The following SMCO4 variants were observed in gnomAD, a reference collection of about 807,000 sequenced individuals.
SMCO4 encodes the protein single-pass membrane protein with coiled-coil domains 4.
In SMCO4, 4 loss-of-function variants were observed where a neutral mutation model predicts 3.6. The ratio of observed to expected loss-of-function variants is 1.11; its 90% CI spans 0.54 to 2.53. SMCO4 has a LOEUF of 2.53. Among genes scored for constraint, SMCO4 ranks in the 30% most tolerant of loss-of-function variants. The pLI, the probability that SMCO4 is intolerant of heterozygous loss-of-function variation, is 0.02. For missense variants in SMCO4, 70 were observed against 80.8 expected (o/e 0.87, Z 0.51); for synonymous variants, 36 against 35.3 (o/e 1.02, Z -0.07).
At chr11:93,482,307 G>T (rs894123050) in intron 2 of SMCO4, among the ~76,000 whole-genome samples, 3 of 152,208 alleles carry the variant, frequency 2.0e-5, no homozygotes, top group African/African-American at 7.2e-5. Context: ...CCTGAGCCAG[G>T]GAGGGCATGG....
chr11:93,538,779 C>T (rs1299188334), intron 1 of SMCO4, among the ~76,000 whole-genome samples: 1 of 152,198 alleles, frequency 6.6e-6, no homozygotes, highest in Non-Finnish European at 1.5e-5. Context: ...CCCCTCTTCT[C>T]CGCAACCACT....
chr11:93,549,145 A>G, the SMCO4 span, among the ~76,000 whole-genome samples: 2 of 152,140 alleles, frequency 1.3e-5, no homozygotes, highest in Admixed American at 6.5e-5. Context: ...ACTCACATGC[A>G]TGTGTGTGTA....
At chr11:93,532,271 TGACTG>T (rs2134632623) in intron 1 of SMCO4, among the ~76,000 whole-genome samples, 1 of 152,342 alleles carries the variant, frequency 6.6e-6, no homozygotes, top group Admixed American at 6.5e-5. Context: ...GATGTCAACT[TGACTG>T]AACTAAAAGA....
chr11:93,525,116 T>C (rs1410980772), intron 1 of SMCO4, among the ~76,000 whole-genome samples: 1 of 152,130 alleles, frequency 6.6e-6, no homozygotes, highest in Non-Finnish European at 1.5e-5. Flanking sequence ...CTCCCAGGGC[T>C]CCTGCTGCCA....
intron 1 of SMCO4, chr11:93,537,760 G>A (rs569831505): frequency 1.3e-5 from 2 of 151,890 alleles, no homozygotes; most frequent in African/African-American, 4.8e-5. Flanking sequence ...AGTGCCCTCA[G>A]AACAAGAAGA....
chr11:93,489,333 A>G (rs541309324), intron 2 of SMCO4, among the ~76,000 whole-genome samples: 2 of 152,348 alleles, frequency 1.3e-5, no homozygotes, highest in East Asian at 1.9e-4. Context: ...ATCATAAGGA[A>G]TAATGACAAA....
Position 93,543,309 on chromosome 11 carries a change from A to C in SMCO4, c.-187T>G. 1 of 146,392 alleles carries C rather than the reference A, an allele frequency of 6.8e-6. No individual in the cohort carries two copies. Among genetic ancestry groups the C allele is most frequent in the East Asian group, 2.1e-4 (1 of 4,866 alleles). 9.1% of individuals were successfully genotyped at this position (146,392 alleles called of 1,614,324 possible). ...GGGCGCCGCCGCCGCCGCCGCCACC[A>C]CTGCCGGGAATACGTGGCAGTGGCC... On this transcript the variant is annotated 5_prime_UTR_variant, in exon 1 of 3. Coordinates refer to ENST00000298966, the MANE Select transcript of SMCO4 (RefSeq NM_020179.3).
the SMCO4 span, among the ~76,000 whole-genome samples, chr11:93,550,767 C>T: frequency 6.6e-6 from 1 of 152,092 alleles, no homozygotes; most frequent in African/African-American, 2.4e-5. Context: ...TAGAAGGGAG[C>T]AGGGGAGCTC....
chr11:93,552,760 C>T, the SMCO4 span, among the ~76,000 whole-genome samples: 20,487 of 152,180 alleles, frequency 0.13, 1,854 homozygotes, highest in African/African-American at 0.25. Context: ...GCGTGAGCCA[C>T]CGCACCTGGC....
Position 93,534,375 on chromosome 11 carries a change from T to TATAG in SMCO4, c.-154+8900_-154+8901insCTAT, listed in dbSNP as rs369643237. Reference sequence around the variant, plus strand: ...ACACATACATATATATATATATATATAGAGAGAGAGAGAGAGAGAGATACA... The same window carrying TATAG: ...ACACATACATATATATATATATATATATAGAGAGAGAGAGAGAGAGAGAGATACA... On this transcript the variant is annotated intron_variant, in intron 1 of 2. Transcript: ENST00000298966. Among the ~76,000 whole-genome samples the TATAG allele has an allele frequency of 5.6e-3, 789 of 142,120 alleles. 12 individuals carry two copies. Among genetic ancestry groups the TATAG allele is most frequent in the African/African-American group, 0.013 (487 of 37,992 alleles). The allele number at this position is 142,120 out of a possible 152,430, so 93.2% of individuals were successfully genotyped here.
intron 1 of SMCO4, among the ~76,000 whole-genome samples, chr11:93,533,017 A>G (rs1160352292): frequency 6.6e-6 from 1 of 152,218 alleles, no homozygotes; most frequent in African/African-American, 2.4e-5. Context: ...GGATAAGCTT[A>G]AAGGCAGGCA....
At chr11:93,534,763 T>A (rs1949203391) in intron 1 of SMCO4, among the ~76,000 whole-genome samples, 2 of 152,158 alleles carry the variant, frequency 1.3e-5, no homozygotes, top group Non-Finnish European at 2.9e-5. Context: ...GCCCACTGTG[T>A]CCACTGGACA....
At chr11:93,547,288 C>G (rs1949321805), upstream of SMCO4, among the ~76,000 whole-genome samples, 2 of 152,152 alleles carry the variant, frequency 1.3e-5, no homozygotes, top group Admixed American at 6.5e-5. Flanking sequence ...CTACCCTCAG[C>G]CAGAGAAGAA....
At chr11:93,482,309 A>T (rs1486860276) in intron 2 of SMCO4, among the ~76,000 whole-genome samples, 1 of 152,208 alleles carries the variant, frequency 6.6e-6, no homozygotes, top group Non-Finnish European at 1.5e-5. Flanking sequence ...TGAGCCAGGG[A>T]GGGCATGGGC....
chr11:93,509,297 GA>G (rs34599036), intron 1 of SMCO4, among the ~76,000 whole-genome samples: 68,018 of 140,460 alleles, frequency 0.48, 15,944 homozygotes, highest in East Asian at 0.74. Context: ...CTCAAAAATG[GA>G]AAAAAAAAAA....
At chr11:93,532,166 A>G (rs1949168979) in intron 1 of SMCO4, among the ~76,000 whole-genome samples, 1 of 133,216 alleles carries the variant, frequency 7.5e-6, no homozygotes, top group African/African-American at 2.8e-5. Context: ...AGATATTCAG[A>G]GTTCACACAG....
intron 2 of SMCO4, among the ~76,000 whole-genome samples, chr11:93,494,847 A>C (rs1006299460): frequency 4.6e-5 from 7 of 152,340 alleles, no homozygotes; most frequent in African/African-American, 1.7e-4. Context: ...TTAATTCTAC[A>C]GTGGCATTCC....
intron 1 of SMCO4, among the ~76,000 whole-genome samples, chr11:93,534,398 A>AGAGC (rs1157579206): frequency 6.9e-6 from 1 of 145,948 alleles, no homozygotes; most frequent in Non-Finnish European, 1.5e-5. Context: ...AGAGAGAGAT[A>AGAGC]CATATATATA....
At chr11:93,503,089 T>C (rs1948859784) in intron 1 of SMCO4, among the ~76,000 whole-genome samples, 1 of 152,164 alleles carries the variant, frequency 6.6e-6, no homozygotes, top group Non-Finnish European at 1.5e-5. Context: ...TAGAACCCTG[T>C]AGAAGGCTGA....
Sources: allele counts gnomAD v4.1 joint callset (sites outside exome capture counted in the v4.1 genomes callset), GRCh38; gene constraint gnomAD v4.1.1; transcripts MANE v1.5; gene names NCBI Gene and HGNC (gene_info 2026-07-23, HGNC 2026-07-21).